The following PIAS1 variants were observed in gnomAD, a reference collection of about 807,000 sequenced individuals.
PIAS1 encodes protein inhibitor of activated STAT 1, also known as E3 SUMO-protein ligase PIAS1.
A neutral mutation model predicts 71.3 loss-of-function variants in PIAS1; 6 were observed. The observed-to-expected ratio is 0.08, with a 90% CI of 0.05 to 0.17. PIAS1 has a LOEUF of 0.17. Among genes scored for constraint, PIAS1 ranks in the 10% least tolerant of loss-of-function variants. The probability of loss-of-function intolerance (pLI) is 1.00; values close to 1 mark genes in which losing one functional copy is unlikely to be tolerated. For synonymous variants in PIAS1, 303 were observed against 292.9 expected (o/e 1.03, Z -0.35); for missense variants, 555 against 793.6 (o/e 0.70, Z 3.61).
chr15:68,117,082 T>C (rs1259367753), intron 2 of PIAS1, among the ~76,000 whole-genome samples: 2 of 152,142 alleles, frequency 1.3e-5, no homozygotes, highest in African/African-American at 4.8e-5. Flanking sequence ...GTTTTTGTTT[T>C]TTTGTTGCTG....
At chr15:68,115,280 T>A (rs1420743429) in intron 2 of PIAS1, among the ~76,000 whole-genome samples, 1 of 151,942 alleles carries the variant, frequency 6.6e-6, no homozygotes, top group African/African-American at 2.4e-5. Flanking sequence ...ATGGTAAGAG[T>A]ATGTTTAGCT....
At chr15:68,088,112 T>G (rs2092299220) in intron 2 of PIAS1, among the ~76,000 whole-genome samples, 2 of 147,324 alleles carry the variant, frequency 1.4e-5, no homozygotes, top group Admixed American at 6.8e-5. Context: ...ATTGTATAAC[T>G]TCCCTTTTTT....
intron 1 of PIAS1, among the ~76,000 whole-genome samples, chr15:68,077,429 A>G (rs1416234323): frequency 6.6e-6 from 1 of 152,228 alleles, no homozygotes; most frequent in African/African-American, 2.4e-5. Flanking sequence ...CTTTTAACAC[A>G]TTTTAAGCAT....
intron 2 of PIAS1, among the ~76,000 whole-genome samples, chr15:68,138,431 TGTGCTGTGACA>T (rs1221716654): frequency 6.6e-6 from 1 of 152,126 alleles, no homozygotes; most frequent in Non-Finnish European, 1.5e-5. Context: ...ACAAATGATA[TGTGCTGTGACA>T]GTGCTGTCCA....
At chr15:68,155,740 G>T (rs933944900) in intron 7 of PIAS1, among the ~76,000 whole-genome samples, 1 of 152,178 alleles carries the variant, frequency 6.6e-6, no homozygotes, top group Admixed American at 6.5e-5. Flanking sequence ...TTGTCTTGCA[G>T]TTTCTGCCTT....
At position 68,189,430 on chromosome 15, in the gene PIAS1, C is replaced by T. The variant is rs2093108143; in HGVS notation, c.*1595C>T. ...TTGATGAGGACCACCTTTGTGTATA[C>T]ACTTGTAGTTTTAAACCTTGCATTG... On this transcript the variant is annotated 3_prime_UTR_variant, in exon 14 of 14. Transcript: ENST00000249636. 1 of 152,194 alleles carries T rather than the reference C, an allele frequency of 6.6e-6. No individual in the cohort carries two copies. Among genetic ancestry groups the T allele is most frequent in the Non-Finnish European group, 1.5e-5 (1 of 68,024 alleles). The allele number at this position is 152,194 out of a possible 1,614,324, so 9.4% of individuals were successfully genotyped here.
chr15:68,160,124 T>C (rs2092915083), intron 7 of PIAS1, among the ~76,000 whole-genome samples: 1 of 152,190 alleles, frequency 6.6e-6, no homozygotes, highest in Non-Finnish European at 1.5e-5. Flanking sequence ...TGATGAAGTA[T>C]CTGCCAAATT....
Position 68,187,739 on chromosome 15 carries a change from C to G in PIAS1, c.1860C>G (p.Ser620Arg). ...GSNSSLVSSNSLRESHSHTVT... is the reference protein window; with the variant it reads ...GSNSSLVSSNRLRESHSHTVT... ...ACAGCAGCCTGGTTTCTTCCAACAGCCTAAGGGAAAGCCATAGCCACACCG... is the reference window on the plus strand; with the variant it reads ...ACAGCAGCCTGGTTTCTTCCAACAGGCTAAGGGAAAGCCATAGCCACACCG... The change falls in exon 14 of 14, where the codon AGC becomes AGG. Residue 620 changes from serine (S) to arginine (R), a missense_variant. Physicochemically the swap from Ser to Arg is moderately radical, Grantham distance 110 (BLOSUM62 -1). Coordinates refer to ENST00000249636, the MANE Select transcript of PIAS1 (RefSeq NM_016166.3). The surrounding 1 kb of genome is among the most constrained non-coding windows in gnomAD (Gnocchi z 5.3). 1 of 1,613,950 alleles carries G rather than the reference C, an allele frequency of 6.2e-7. No homozygotes were observed. Among genetic ancestry groups the G allele is most frequent in the Non-Finnish European group, 8.5e-7 (1 of 1,179,866 alleles).
intron 2 of PIAS1, among the ~76,000 whole-genome samples, chr15:68,119,500 A>T (rs2092596279): frequency 6.6e-6 from 1 of 151,796 alleles, no homozygotes; most frequent in African/African-American, 2.4e-5. Flanking sequence ...TATTTCTGTT[A>T]TTTAGTTTAA....
At position 68,179,485 on chromosome 15, in the gene PIAS1, C is replaced by T. The variant is rs539492258; in HGVS notation, c.1482-1727C>T. 2.7e-5 allele frequency among the ~76,000 whole-genome samples: 4 copies of T among 150,228 alleles called. 1 individual carries two copies. The South Asian group carries it at 8.4e-4, about 32-fold the overall frequency. ...GAGAGTGTGTTTTATGCTTCATATC[C>T]CATTCATTAAAATGTGGTAGATGGT... is the stretch of plus-strand genomic sequence containing the variant. On this transcript the variant is annotated intron_variant, in intron 11 of 13. Transcript: ENST00000249636.
rs900767113 is a variant in PIAS1 at position 68,186,597 on chromosome 15, C to T, written c.1663-945C>T. On this transcript the variant is annotated intron_variant, in intron 13 of 13. Transcript: ENST00000249636. This position sits in a 1 kb window ranked among gnomAD's most constrained non-coding sequence, Gnocchi z 4.4. ...AGTCTACAGTAGTGTACAATAATGT[C>T]CTAAGCCTCACATTCACTCACCATT... 3.3e-5 allele frequency among the ~76,000 whole-genome samples: 5 copies of T among 152,212 alleles called. No individual in the cohort carries two copies. In the East Asian group the frequency reaches 7.7e-4, roughly 23 times the overall value.
intron 6 of PIAS1, among the ~76,000 whole-genome samples, chr15:68,152,038 C>G (rs1226810174): frequency 1.4e-5 from 2 of 140,130 alleles, no homozygotes; most frequent in Non-Finnish European, 1.5e-5. Context: ...CAAGCTCTGC[C>G]TCCCAGGCTC....
Position 68,171,806 on chromosome 15 carries a change from A to G in PIAS1, c.1009-1926A>G, listed in dbSNP as rs981902943. Among the ~76,000 whole-genome samples the G allele has an allele frequency of 6.6e-6, 1 of 152,170 alleles. No individual in the cohort carries two copies. The highest frequency in any genetic ancestry group is 1.5e-5 in the Non-Finnish European group (1 of 68,034). ...ATGACAGTTAATTTCCTGGTAGACT[A>G]GGAAATTTCACATTTCCCTGAAATT... On this transcript the variant is annotated intron_variant, in intron 8 of 13. Coordinates refer to ENST00000249636, the MANE Select transcript of PIAS1 (RefSeq NM_016166.3). The surrounding 1 kb of genome is among the most constrained non-coding windows in gnomAD (Gnocchi z 4.4).
intron 1 of PIAS1, among the ~76,000 whole-genome samples, chr15:68,082,271 C>T (rs1436980376): frequency 6.6e-6 from 1 of 152,016 alleles, no homozygotes; most frequent in Non-Finnish European, 1.5e-5. Flanking sequence ...GAAGTAGTGG[C>T]ATAAGGAAAC....
chr15:68,132,045 AAAAAAG>A (rs1160946552), intron 2 of PIAS1, among the ~76,000 whole-genome samples: 183 of 151,472 alleles, frequency 1.2e-3, no homozygotes, highest in African/African-American at 4.2e-3. Flanking sequence ...TAAAAAAAAA[AAAAAAG>A]AAAAGAAAAG....
intron 1 of PIAS1, among the ~76,000 whole-genome samples, chr15:68,075,727 C>G (rs1284467973): frequency 1.3e-5 from 2 of 150,126 alleles, no homozygotes; most frequent in Non-Finnish European, 3.0e-5. Flanking sequence ...TTGCTGTAAC[C>G]TATTTTTTTC....
At chr15:68,070,388 G>A (rs765876510) in intron 1 of PIAS1, among the ~76,000 whole-genome samples, 1 of 152,216 alleles carries the variant, frequency 6.6e-6, no homozygotes, top group East Asian at 1.9e-4. Context: ...AAATGTTCGA[G>A]TTAGTGATTT....
intron 2 of PIAS1, among the ~76,000 whole-genome samples, chr15:68,124,196 A>G (rs948622354): frequency 6.6e-6 from 1 of 152,108 alleles, no homozygotes; most frequent in Non-Finnish European, 1.5e-5. Flanking sequence ...TATTCCAGAG[A>G]ATTTGAATCA....
chr15:68,124,021 T>A (rs1019893490), intron 2 of PIAS1, among the ~76,000 whole-genome samples: 1 of 152,166 alleles, frequency 6.6e-6, no homozygotes, highest in Non-Finnish European at 1.5e-5. Flanking sequence ...TACACATACG[T>A]GTGTACATAT....
Sources: gnomAD v4.1 joint callset for allele counts (sites outside exome capture counted in the v4.1 genomes callset) on GRCh38, gnomAD v4.1.1 for gene constraint, Gnocchi (gnomAD v3.1) non-coding constraint, MANE v1.5 for transcripts, NCBI Gene and HGNC (gene_info 2026-07-23, HGNC 2026-07-21) for gene names.